OTOGL: variants seen among roughly 807,000 people sequenced by gnomAD.
OTOGL encodes otogelin like.
OTOGL carries 285 observed loss-of-function variants against 318.5 expected under a neutral mutation model. The ratio of observed to expected loss-of-function variants is 0.89; its 90% CI spans 0.81 to 0.99. The LOEUF (loss-of-function observed/expected upper bound fraction) is 0.99, where lower values mean the gene tolerates loss of function less well. OTOGL is among the 50% of genes least tolerant of loss of function. OTOGL has a pLI of 0.00. For missense variants in OTOGL, 2,899 were observed against 2,845.6 expected (o/e 1.02, Z -0.43); for synonymous variants, 987 against 936.5 (o/e 1.05, Z -0.99).
intron 1 of OTOGL, among the ~76,000 whole-genome samples, chr12:80,192,444 C>T (rs942138077): frequency 6.6e-5 from 10 of 152,316 alleles, no homozygotes; most frequent in South Asian, 2.1e-4. Flanking sequence ...TTGCTCTCAC[C>T]GTGTGATCTG....
intron 1 of OTOGL, among the ~76,000 whole-genome samples, chr12:80,209,057 A>G (rs1877033596): frequency 6.6e-6 from 1 of 152,202 alleles, no homozygotes; most frequent in Admixed American, 6.5e-5. Flanking sequence ...ATTAGGAATA[A>G]TGGTTATCTC....
intron 1 of OTOGL, among the ~76,000 whole-genome samples, chr12:80,118,235 CA>C (rs1181614377): frequency 3.9e-5 from 6 of 152,126 alleles, no homozygotes; most frequent in Admixed American, 3.9e-4. Flanking sequence ...ATTATGCTGC[CA>C]AGATAACCAT....
intron 43 of OTOGL, among the ~76,000 whole-genome samples, chr12:80,341,126 G>A (rs562951647): frequency 2.0e-4 from 30 of 152,050 alleles, no homozygotes; most frequent in Non-Finnish European, 2.4e-4. Flanking sequence ...TCTTAAAGTC[G>A]GGTGGGATTT....
intron 4 of OTOGL, among the ~76,000 whole-genome samples, chr12:80,217,331 A>G (rs577661609): frequency 6.6e-6 from 1 of 152,230 alleles, no homozygotes; most frequent in Admixed American, 6.5e-5. Context: ...GGAAGTGAGA[A>G]CAGAACAGAG....
intron 28 of OTOGL, among the ~76,000 whole-genome samples, chr12:80,304,938 T>C (rs915288676): frequency 6.6e-6 from 1 of 152,152 alleles, no homozygotes; most frequent in Non-Finnish European, 1.5e-5. Context: ...AACCTTAGAA[T>C]TACATCTGCC....
intron 1 of OTOGL, among the ~76,000 whole-genome samples, chr12:80,186,146 A>G (rs1325763633): frequency 1.3e-5 from 2 of 152,202 alleles, no homozygotes; most frequent in Non-Finnish European, 2.9e-5. Context: ...ACGCTCTCTG[A>G]AGGGAAAATG....
intron 44 of OTOGL, among the ~76,000 whole-genome samples, chr12:80,348,743 G>A (rs1592740074): frequency 6.6e-6 from 1 of 152,086 alleles, no homozygotes; most frequent in Non-Finnish European, 1.5e-5. Flanking sequence ...CTTCTTGTTT[G>A]CTAAGCTCCA....
intron 1 of OTOGL, among the ~76,000 whole-genome samples, chr12:80,151,709 G>A (rs1872794404): frequency 6.6e-6 from 1 of 152,178 alleles, no homozygotes; most frequent in African/African-American, 2.4e-5. Context: ...CAGAGGGAAT[G>A]ATGGTGGTGA....
chr12:80,215,433 C>T (rs2137325896), intron 4 of OTOGL, among the ~76,000 whole-genome samples: 1 of 152,162 alleles, frequency 6.6e-6, no homozygotes, highest in Non-Finnish European at 1.5e-5. Context: ...TCCCAAAGTG[C>T]TGGGATTATA....
intron 42 of OTOGL, among the ~76,000 whole-genome samples, chr12:80,338,856 G>A (rs1216005920): frequency 1.3e-5 from 2 of 151,938 alleles, no homozygotes; most frequent in East Asian, 3.9e-4. Flanking sequence ...AAAATGAAAG[G>A]CAATGACGTT....
intron 11 of OTOGL, among the ~76,000 whole-genome samples, chr12:80,249,884 C>T (rs542648784): frequency 6.6e-6 from 1 of 152,210 alleles, no homozygotes; most frequent in Admixed American, 6.5e-5. Context: ...GTTTTTTAAG[C>T]CGGTCTGAAA....
intron 26 of OTOGL, among the ~76,000 whole-genome samples, chr12:80,293,686 C>A (rs528299401): frequency 6.6e-6 from 1 of 151,884 alleles, no homozygotes; most frequent in South Asian, 2.1e-4. Flanking sequence ...TCAGCTCCTA[C>A]TCTTCCTTAT....
At chr12:80,254,593 T>C (rs1881863124) in intron 15 of OTOGL, 23 bp downstream of exon 15, 1 of 1,586,318 alleles carries the variant, frequency 6.3e-7, no homozygotes, top group African/African-American at 1.3e-5. Context: ...AATGTTTTTA[T>C]AGAGAATGTT....
At chr12:80,309,701 G>A (rs1310850446) in intron 29 of OTOGL, among the ~76,000 whole-genome samples, 1 of 152,176 alleles carries the variant, frequency 6.6e-6, no homozygotes, top group African/African-American at 2.4e-5. Flanking sequence ...GGATACTGGT[G>A]TTCCTTCCTG....
intron 8 of OTOGL, 70 bp from the exon 9 acceptor site, chr12:80,232,822 C>A (rs537942204): frequency 1.5e-6 from 2 of 1,308,412 alleles, no homozygotes; most frequent in African/African-American, 1.5e-5. Flanking sequence ...ATCTCAGTCA[C>A]TTAAAAATAT....
At chr12:80,155,702 T>C (rs1873070448) in intron 1 of OTOGL, among the ~76,000 whole-genome samples, 1 of 152,252 alleles carries the variant, frequency 6.6e-6, no homozygotes, top group Non-Finnish European at 1.5e-5. Flanking sequence ...TATCACATAC[T>C]AGGTGTTATT....
intron 52 of OTOGL, among the ~76,000 whole-genome samples, chr12:80,362,161 T>A (rs1289861219): frequency 6.6e-6 from 1 of 152,192 alleles, no homozygotes; most frequent in African/African-American, 2.4e-5. Flanking sequence ...TTTTGTATGT[T>A]GTGTGAGATA....
At chr12:80,349,609 T>C (rs1438271770) in intron 44 of OTOGL, among the ~76,000 whole-genome samples, 1 of 152,118 alleles carries the variant, frequency 6.6e-6, no homozygotes, top group African/African-American at 2.4e-5. Flanking sequence ...AATGGCAATA[T>C]AGGCTTCTGA....
chr12:80,119,648 T>A (rs971085376), intron 1 of OTOGL, among the ~76,000 whole-genome samples: 16 of 152,256 alleles, frequency 1.1e-4, no homozygotes, highest in African/African-American at 3.8e-4. Flanking sequence ...CCCCATGTAC[T>A]CTGTTACTGT....
Sources: gnomAD v4.1 joint callset for allele counts (sites outside exome capture counted in the v4.1 genomes callset) on GRCh38, gnomAD v4.1.1 for gene constraint, MANE v1.5 for transcripts, NCBI Gene and HGNC (gene_info 2026-07-23, HGNC 2026-07-21) for gene names.